Variants in AUTS2 observed in about 807,000 individuals in gnomAD.
AUTS2 encodes autism susceptibility gene 2 protein.
AUTS2 carries 17 observed loss-of-function variants against 112.4 expected under a neutral mutation model. That is an observed-to-expected ratio of 0.15 (90% CI 0.10 to 0.23). The LOEUF (loss-of-function observed/expected upper bound fraction) is 0.23. Ranked by LOEUF, AUTS2 falls within the 10% of genes least tolerant of loss-of-function variation. The pLI, the probability that AUTS2 is intolerant of heterozygous loss-of-function variation, is 1.00. For synonymous variants in AUTS2, 751 were observed against 702.7 expected (o/e 1.07, Z -1.09); for missense variants, 1,510 against 1,701.6 (o/e 0.89, Z 1.98).
At chr7:70,292,957 A>C (rs1355557470) in intron 4 of AUTS2, 1 of 152,160 alleles carries the variant, frequency 6.6e-6, no homozygotes, top group Non-Finnish European at 1.5e-5. Flanking sequence ...GCCTTTGTAC[A>C]TGTTATTCTC....
At chr7:70,413,216 A>G (rs1441766529) in intron 4 of AUTS2, among the ~76,000 whole-genome samples, 2 of 152,272 alleles carry the variant, frequency 1.3e-5, no homozygotes, top group East Asian at 3.9e-4. Context: ...AGCCTTGTGT[A>G]TTTAAGTAAC....
intron 4 of AUTS2, among the ~76,000 whole-genome samples, chr7:70,248,479 TA>T (rs1309340085): frequency 6.6e-6 from 1 of 152,138 alleles, no homozygotes; most frequent in African/African-American, 2.4e-5. Flanking sequence ...TGATTTTTTT[TA>T]AAATTTTTTT....
intron 1 of AUTS2, among the ~76,000 whole-genome samples, chr7:69,897,269 CCTGCGTTAGTTTGTCCAGG>C: frequency 6.6e-6 from 1 of 152,224 alleles, no homozygotes; most frequent in South Asian, 2.1e-4. Flanking sequence ...AGTGTAAAGG[CCTGCGTTAGTTTGTCCAGG>C]CTGCATTAGC....
intron 5 of AUTS2, among the ~76,000 whole-genome samples, chr7:70,606,339 A>ATTTG (rs757755749): frequency 0.31 from 46,799 of 151,418 alleles, 7,928 homozygotes; most frequent in Non-Finnish European, 0.37. Flanking sequence ...TTAAAAGTTA[A>ATTTG]TATTTGTATT....
chr7:70,692,893 G>T (rs1808829750), intron 5 of AUTS2, among the ~76,000 whole-genome samples: 1 of 151,958 alleles, frequency 6.6e-6, no homozygotes, highest in Non-Finnish European at 1.5e-5. Flanking sequence ...TCATTCATAT[G>T]TGGTGTGCAT....
intron 5 of AUTS2, among the ~76,000 whole-genome samples, chr7:70,603,696 C>T (rs1176443942): frequency 6.6e-6 from 1 of 152,178 alleles, no homozygotes; most frequent in African/African-American, 2.4e-5. Context: ...AATGTTAGCT[C>T]CCCTGCCAGC....
At chr7:70,611,102 T>A (rs1289036381) in intron 5 of AUTS2, among the ~76,000 whole-genome samples, 1 of 152,252 alleles carries the variant, frequency 6.6e-6, no homozygotes, top group African/African-American at 2.4e-5. Context: ...CTTCAGGTCT[T>A]GTATTACATG....
At chr7:70,558,541 G>A (rs1801345520) in intron 5 of AUTS2, among the ~76,000 whole-genome samples, 1 of 152,138 alleles carries the variant, frequency 6.6e-6, no homozygotes, top group Non-Finnish European at 1.5e-5. Flanking sequence ...AATAAAGCTC[G>A]AGGTAACCAA....
chr7:70,440,884 A>C (rs1396954231), intron 5 of AUTS2, among the ~76,000 whole-genome samples: 3 of 152,204 alleles, frequency 2.0e-5, no homozygotes, highest in African/African-American at 7.2e-5. Flanking sequence ...GTTCTGGGGT[A>C]GGGCCAGAGC....
chr7:69,901,121 T>A (rs562527979), intron 2 of AUTS2, among the ~76,000 whole-genome samples: 17 of 152,322 alleles, frequency 1.1e-4, no homozygotes, highest in African/African-American at 3.4e-4. Flanking sequence ...TTATTTATTT[T>A]TTTCTTGATA....
rs79134540 is a variant in AUTS2, at chr7:70,466,635, T to C, written c.690+30854T>C. 7.1e-3 allele frequency among the ~76,000 whole-genome samples: 1,080 copies of C among 152,312 alleles called. 10 individuals carry two copies. The highest frequency in any genetic ancestry group is 0.025 in the African/African-American group (1,036 of 41,572). The stretch of plus-strand genomic sequence containing the variant: ...CAATTCTATAGCTATTCCATGCACA[T>C]ATAAAGAAAAGTGAATAATACCTGT... On this transcript the variant is annotated intron_variant, in intron 5 of 18. Coordinates refer to ENST00000342771, the MANE Select transcript of AUTS2 (RefSeq NM_015570.4).
chr7:70,249,051 A>G (rs1227695674), intron 4 of AUTS2, among the ~76,000 whole-genome samples: 2 of 152,250 alleles, frequency 1.3e-5, no homozygotes, highest in Admixed American at 1.3e-4. Context: ...TAAGTTAACA[A>G]GTTTCACTTT....
intron 4 of AUTS2, among the ~76,000 whole-genome samples, chr7:70,354,950 G>A (rs1380544269): frequency 6.6e-6 from 1 of 151,626 alleles, no homozygotes; most frequent in African/African-American, 2.4e-5. Flanking sequence ...CTATTAGAAA[G>A]GGCTGCTGTG....
At chr7:69,860,215 C>A (rs1038014598) in intron 1 of AUTS2, among the ~76,000 whole-genome samples, 1 of 151,850 alleles carries the variant, frequency 6.6e-6, no homozygotes, top group African/African-American at 2.4e-5. Flanking sequence ...TAGGAAAAGG[C>A]ATTTAACCAA....
chr7:69,711,053 C>T (rs373268308), intron 1 of AUTS2, among the ~76,000 whole-genome samples: 4 of 152,092 alleles, frequency 2.6e-5, no homozygotes, highest in Non-Finnish European at 4.4e-5. Flanking sequence ...AACACCAGAA[C>T]GGTATGGTGG....
At chr7:69,935,855 C>A (rs1047447717) in intron 2 of AUTS2, among the ~76,000 whole-genome samples, 2 of 152,128 alleles carry the variant, frequency 1.3e-5, no homozygotes, top group Non-Finnish European at 1.5e-5. Context: ...AGCCATGAGA[C>A]CCTCTAATCC....
At chr7:69,837,113 A>G (rs1791761992) in intron 1 of AUTS2, among the ~76,000 whole-genome samples, 1 of 152,172 alleles carries the variant, frequency 6.6e-6, no homozygotes. Flanking sequence ...TGATGGCTAA[A>G]AGGACTAAAG....
intron 5 of AUTS2, among the ~76,000 whole-genome samples, chr7:70,607,455 C>G (rs569736715): frequency 6.6e-6 from 1 of 152,084 alleles, no homozygotes; most frequent in Non-Finnish European, 1.5e-5. Context: ...TTGGAAAAGT[C>G]AAGTCTAGAC....
chr7:69,918,965 A>G (rs1402748255), intron 2 of AUTS2, among the ~76,000 whole-genome samples: 1 of 152,196 alleles, frequency 6.6e-6, no homozygotes, highest in African/African-American at 2.4e-5. Context: ...GTCCATTTCC[A>G]CATTCTTTCT....
Sources: allele counts gnomAD v4.1 joint callset (sites outside exome capture counted in the v4.1 genomes callset), GRCh38; gene constraint gnomAD v4.1.1; transcripts MANE v1.5; gene names NCBI Gene and HGNC (gene_info 2026-07-23, HGNC 2026-07-21).